The following DTNBP1 variants were observed in gnomAD, a reference collection of about 807,000 sequenced individuals.
DTNBP1 encodes the protein dysbindin.
Under a neutral mutation model 42.8 loss-of-function variants are expected in DTNBP1, and 35 were observed. The ratio of observed to expected loss-of-function variants is 0.82; its 90% CI spans 0.63 to 1.09. The LOEUF is 1.09. Among genes scored for constraint, DTNBP1 ranks in the 50% least tolerant of loss-of-function variants. DTNBP1 has a pLI of 0.00. For synonymous variants in DTNBP1, 171 were observed against 162.2 expected, an observed-to-expected ratio of 1.05 and a Z score of -0.41; for missense variants, 457 against 424.2, an observed-to-expected ratio of 1.08 and a Z score of -0.68.
intron 6 of DTNBP1, among the ~76,000 whole-genome samples, chr6:15,597,166 T>C (rs866650881): frequency 1.5e-4 from 23 of 152,108 alleles, no homozygotes; most frequent in African/African-American, 5.3e-4. Context: ...GGAACTTTAG[T>C]GGGAGAGACA....
intron 7 of DTNBP1, among the ~76,000 whole-genome samples, chr6:15,537,466 A>G (rs550994642): frequency 6.6e-6 from 1 of 151,086 alleles, no homozygotes; most frequent in Non-Finnish European, 1.5e-5. Flanking sequence ...TTAATGCTGG[A>G]ATGAGTTAAG....
chr6:15,585,090 TA>T, intron 7 of DTNBP1, among the ~76,000 whole-genome samples: 2 of 130,630 alleles, frequency 1.5e-5, no homozygotes, highest in African/African-American at 2.7e-5. Context: ...TATATATATA[TA>T]TATATATATA....
chr6:15,561,863 A>C (rs1774860330), intron 7 of DTNBP1, among the ~76,000 whole-genome samples: 1 of 152,186 alleles, frequency 6.6e-6, no homozygotes, highest in South Asian at 2.1e-4. Flanking sequence ...TCAAAACCAG[A>C]ATGGTGATGG....
chr6:15,662,292 C>T (rs1386717231), intron 1 of DTNBP1, among the ~76,000 whole-genome samples: 3 of 152,228 alleles, frequency 2.0e-5, no homozygotes, highest in Non-Finnish European at 4.4e-5. Context: ...AAGGGTTAGG[C>T]CGGCGAGCCG....
intron 7 of DTNBP1, among the ~76,000 whole-genome samples, chr6:15,545,126 T>G (rs933368035): frequency 2.6e-5 from 4 of 152,070 alleles, no homozygotes; most frequent in Non-Finnish European, 5.9e-5. Flanking sequence ...CCCAATCTCC[T>G]GCCCCCACTT....
At chr6:15,547,065 C>T (rs1243035628) in intron 7 of DTNBP1, among the ~76,000 whole-genome samples, 1 of 151,464 alleles carries the variant, frequency 6.6e-6, no homozygotes, top group Non-Finnish European at 1.5e-5. Context: ...ATGGAATTGG[C>T]CTACTTATTA....
chr6:15,533,029 A>T (rs573972562), intron 8 of DTNBP1, among the ~76,000 whole-genome samples: 17 of 152,244 alleles, frequency 1.1e-4, no homozygotes, highest in Non-Finnish European at 1.9e-4. Context: ...TATTAAAAAA[A>T]ATATATCTTC....
chr6:15,619,184 T>C (rs1758897022), intron 5 of DTNBP1, among the ~76,000 whole-genome samples: 1 of 152,166 alleles, frequency 6.6e-6, no homozygotes, highest in Admixed American at 6.5e-5. Context: ...AACAATTTAC[T>C]GTACATGTTC....
chr6:15,589,039 T>C (rs1249122705), intron 7 of DTNBP1, among the ~76,000 whole-genome samples: 1 of 152,250 alleles, frequency 6.6e-6, no homozygotes, highest in Non-Finnish European at 1.5e-5. Flanking sequence ...GTCACTTAAG[T>C]ATTGTTCAAT....
intron 7 of DTNBP1, among the ~76,000 whole-genome samples, chr6:15,586,172 T>G (rs1049200404): frequency 6.6e-6 from 1 of 152,168 alleles, no homozygotes; most frequent in East Asian, 1.9e-4. Context: ...TTGAAAGTAG[T>G]AACATAAAAA....
At chr6:15,535,767 GA>G (rs1429618813) in intron 7 of DTNBP1, among the ~76,000 whole-genome samples, 3 of 152,200 alleles carry the variant, frequency 2.0e-5, no homozygotes, top group Non-Finnish European at 2.9e-5. Context: ...GGAGGGCTCA[GA>G]AAAAGACAGG....
At chr6:15,523,906 G>A in intron 9 of DTNBP1, 2 of 1,287,284 alleles carry the variant, frequency 1.6e-6, no homozygotes, top group Non-Finnish European at 2.0e-6. Context: ...AGATGGCTGA[G>A]GTGCTGCTGG....
At chr6:15,543,415 G>A (rs1313106446) in intron 7 of DTNBP1, among the ~76,000 whole-genome samples, 1 of 152,140 alleles carries the variant, frequency 6.6e-6, no homozygotes, top group Admixed American at 6.5e-5. Context: ...GTGCAGATGG[G>A]CATACAGCTC....
intron 3 of DTNBP1, among the ~76,000 whole-genome samples, chr6:15,647,184 A>C (rs1760734867): frequency 6.6e-6 from 1 of 151,990 alleles, no homozygotes; most frequent in African/African-American, 2.4e-5. Flanking sequence ...AAAAGTGAGC[A>C]AAGGATATGA....
chr6:15,585,362 T>C lies in DTNBP1; in HGVS notation c.511+7697A>G, dbSNP rs200022833. Among the ~76,000 whole-genome samples the C allele has an allele frequency of 2.3e-4, 35 of 151,838 alleles. 1 individual carries two copies. The East Asian group carries it at 6.4e-3, about 28-fold the overall frequency. ...CTAGTATTATTTTCCTGGTATTTTA[T>C]ATTTATCTTTTAATACAAATATTGC... On this transcript the variant is annotated intron_variant, in intron 7 of 9. Coordinates refer to ENST00000344537, the MANE Select transcript of DTNBP1 (RefSeq NM_032122.5).
intron 5 of DTNBP1, among the ~76,000 whole-genome samples, chr6:15,616,852 T>A (rs1455039503): frequency 6.6e-6 from 1 of 152,174 alleles, no homozygotes; most frequent in Non-Finnish European, 1.5e-5. Context: ...GCAGATGACA[T>A]GATCTTATGT....
chr6:15,607,319 T>C (rs988297133), intron 6 of DTNBP1, among the ~76,000 whole-genome samples: 8 of 151,990 alleles, frequency 5.3e-5, no homozygotes, highest in African/African-American at 1.9e-4. Flanking sequence ...TTTGTTTTTT[T>C]GAGACAGAGT....
At chr6:15,585,530 TAGAA>T (rs1285315879) in intron 7 of DTNBP1, among the ~76,000 whole-genome samples, 5 of 152,114 alleles carry the variant, frequency 3.3e-5, no homozygotes, top group East Asian at 1.9e-4. Flanking sequence ...TTGTTGGTAA[TAGAA>T]AGAACTAATA....
intron 7 of DTNBP1, chr6:15,546,000 C>A: frequency 2.2e-6 from 1 of 447,354 alleles, no homozygotes; most frequent in Non-Finnish European, 4.5e-6. Flanking sequence ...CTGGAGGCCT[C>A]AGATTTCCCA....
Sources: gnomAD v4.1 joint callset for allele counts (sites outside exome capture counted in the v4.1 genomes callset) on GRCh38, gnomAD v4.1.1 for gene constraint, MANE v1.5 for transcripts, NCBI Gene and HGNC (gene_info 2026-07-23, HGNC 2026-07-21) for gene names.